The following ABCF1 variants were observed in gnomAD, a reference collection of about 807,000 sequenced individuals.
ABCF1 encodes ATP-binding cassette sub-family F member 1.
In ABCF1, 73 loss-of-function variants were observed where a neutral mutation model predicts 126.3. The observed-to-expected ratio is 0.58, with a 90% confidence interval of 0.48 to 0.70. ABCF1 has a LOEUF of 0.70. ABCF1 is among the 30% of genes least tolerant of loss of function. The probability of loss-of-function intolerance (pLI) is 0.00; values close to 1 mark genes in which losing one functional copy is unlikely to be tolerated. For missense variants in ABCF1, 786 were observed against 1,057.5 expected, an observed-to-expected ratio of 0.74 and a Z score of 3.56; for synonymous variants, 345 against 396.4, an observed-to-expected ratio of 0.87 and a Z score of 1.54.
In ABCF1 at chr6:30,586,463, G is replaced by C. The variant is rs781724380; in HGVS notation, c.1886-11G>C. 4.3e-6 allele frequency: 7 copies of C among 1,613,756 alleles called. No homozygotes were observed. The highest frequency in any genetic ancestry group is 1.6e-4 in the Middle Eastern group (1 of 6,062). On this transcript the variant is annotated splice_polypyrimidine_tract_variant and intron_variant, in intron 18 of 24. Transcript: ENST00000326195. This position sits in a 1 kb window ranked among gnomAD's most constrained non-coding sequence, Gnocchi z 4.9. ...AAAAGAATATAAATTGCTTCTTTTC[G>C]TGGCTTTCAGGTGTGACATTCGGCT...
At position 30,583,581 on chromosome 6, in the gene ABCF1, C is replaced by T. The variant is rs754490488; in HGVS notation, c.916-27C>T. ...ATTTTCATGTGATCATCCCTTCCCT[C>T]TGCCACCTCTTTCCTGATGGCTGCA... On this transcript the variant is annotated intron_variant, in intron 10 of 24. Transcript: ENST00000326195. This position sits in a 1 kb window ranked among gnomAD's most constrained non-coding sequence, Gnocchi z 4.1. The T allele has an allele frequency of 8.1e-6, 13 of 1,611,602 alleles. No homozygotes were observed. Among genetic ancestry groups the T allele is most frequent in the Admixed American group, 6.7e-5 (4 of 59,968 alleles).
At chr6:30,590,072 A>C in intron 22 of ABCF1, 77 bp from the exon 23 acceptor site, 1 of 1,607,348 alleles carries the variant, frequency 6.2e-7, no homozygotes, top group East Asian at 2.2e-5. Context: ...CTCAGCTCAC[A>C]AACTGGCACA....
rs143380108 is a variant in ABCF1, at chr6:30,578,290, T to C, written c.344-58T>C. The C allele has an allele frequency of 4.0e-4, 649 of 1,613,802 alleles. 2 individuals are homozygous for C. In the African/African-American group the frequency reaches 6.1e-3, roughly 15 times the overall value. On this transcript the variant is annotated intron_variant, in intron 4 of 24. Coordinates refer to ENST00000326195, the MANE Select transcript of ABCF1 (RefSeq NM_001025091.2). Reference sequence around the variant, plus strand: ...ACCCTGATCTTCAAGTTGGATTCAATTGGGGGGCCAGACATTGTAATTCTT... The same window carrying C: ...ACCCTGATCTTCAAGTTGGATTCAACTGGGGGGCCAGACATTGTAATTCTT...
At chr6:30,572,649 A>G (rs1202599658) in intron 1 of ABCF1, among the ~76,000 whole-genome samples, 1 of 152,118 alleles carries the variant, frequency 6.6e-6, no homozygotes, top group Non-Finnish European at 1.5e-5. Context: ...GACTACTGGC[A>G]TGCACCACCA....
intron 8 of ABCF1, among the ~76,000 whole-genome samples, chr6:30,582,137 A>G (rs991560516): frequency 1.2e-4 from 18 of 151,684 alleles, no homozygotes; most frequent in African/African-American, 4.4e-4. Flanking sequence ...GCTCACTGCA[A>G]GCTCCTCCTC....
At position 30,574,395 on chromosome 6, in the gene ABCF1, C is replaced by G. The variant is rs1305381874; in HGVS notation, c.73+2835C>G. On this transcript the variant is annotated intron_variant, in intron 1 of 24. Transcript: ENST00000326195. The surrounding 1 kb of genome is among the most constrained non-coding windows in gnomAD (Gnocchi z 4.3). ...TCAACCAGTCCTCCCACCTTGGTCC[C>G]CAAAATGTTGGGATTACAGGCGTGA... Among the ~76,000 whole-genome samples the G allele has an allele frequency of 6.6e-6, 1 of 152,158 alleles. No individual in the cohort carries two copies. The highest frequency in any genetic ancestry group is 1.5e-5 in the Non-Finnish European group (1 of 68,022).
intron 15 of ABCF1, 50 bp from the exon 16 acceptor site, chr6:30,585,506 TTC>T (rs969025443): frequency 5.6e-6 from 9 of 1,610,730 alleles, no homozygotes; most frequent in Non-Finnish European, 6.8e-6. Flanking sequence ...TTCCTCTGAA[TTC>T]TCTCTCACTT....
intron 4 of ABCF1, 46 bp downstream of exon 4, chr6:30,578,248 G>C (rs542204361): frequency 6.2e-7 from 1 of 1,613,774 alleles, no homozygotes; most frequent in East Asian, 2.2e-5. Context: ...CATGAGTCAT[G>C]GAGAGTGATA....
chr6:30,578,170 T>A lies in ABCF1; in HGVS notation c.311T>A (p.Leu104His), dbSNP rs764458544. ...GAGCTCATGGAGCGTCTTAAGAAGC[T>A]CTCAGTGCCAACCAGTGATGAGGAG... ...EKELMERLKK[L>H]SVPTSDEEDE... The change falls in exon 4 of 25, where the codon CTC becomes CAC. Residue 104 changes from leucine to histidine, a missense_variant. Around this residue, in one of 4 missense-constraint regions of ABCF1, gnomAD observed 322 missense variants for 322.9 expected, o/e 1.00. Transcript: ENST00000326195. 1 of 1,613,738 alleles carries A rather than the reference T, an allele frequency of 6.2e-7. No homozygotes were observed. Among genetic ancestry groups the A allele is most frequent in the African/African-American group, 1.3e-5 (1 of 74,834 alleles).
Position 30,586,023 on chromosome 6 carries a change from C to T in ABCF1, c.1713+32C>T, listed in dbSNP as rs1802102200. ...ACCTGAGGGACTTCTGGGCTGGGGG[C>T]CACTGTTCTCTCCTGGCAGTGGAGG... On this transcript the variant is annotated intron_variant, in intron 17 of 24. Coordinates refer to ENST00000326195, the MANE Select transcript of ABCF1 (RefSeq NM_001025091.2). The surrounding 1 kb of genome is among the most constrained non-coding windows in gnomAD (Gnocchi z 4.9). 6.3e-7 allele frequency: 1 copy of T among 1,595,682 alleles called. No homozygotes were observed. Among genetic ancestry groups the T allele is most frequent in the African/African-American group, 1.3e-5 (1 of 74,218 alleles).
In ABCF1 at chr6:30,586,012, T is replaced by TG; in HGVS notation, c.1713+24dup. Reference sequence around the variant, plus strand: ...AGGCGGTGAGCACCTGAGGGACTTCTGGGCTGGGGGCCACTGTTCTCTCCT... The same window carrying TG: ...AGGCGGTGAGCACCTGAGGGACTTCTGGGGCTGGGGGCCACTGTTCTCTCCT... On this transcript the variant is annotated intron_variant, in intron 17 of 24. Transcript: ENST00000326195. The surrounding 1 kb of genome is among the most constrained non-coding windows in gnomAD (Gnocchi z 4.9). 6.2e-7 allele frequency: 1 copy of TG among 1,600,260 alleles called. No individual in the cohort carries two copies. The highest frequency in any genetic ancestry group is 8.5e-7 in the Non-Finnish European group (1 of 1,172,812).
intron 8 of ABCF1, 55 bp downstream of exon 8, chr6:30,580,574 C>A: frequency 9.1e-7 from 1 of 1,094,796 alleles, no homozygotes; most frequent in Non-Finnish European, 1.3e-6. Flanking sequence ...TTCCAGGGTC[C>A]TTATGGGAGA....
chr6:30,582,362 C>A, intron 8 of ABCF1, 32 bp from the exon 9 acceptor site: 1 of 1,446,730 alleles, frequency 6.9e-7, no homozygotes, highest in Non-Finnish European at 9.6e-7. Flanking sequence ...AGCCAGGAGT[C>A]CCTAGTTTTG....
chr6:30,584,594 T>G lies in ABCF1; in HGVS notation c.1391+28T>G, dbSNP rs1325603184. ...GGGCCATTCACCTCACTGCCCTCCC[T>G]TCCAGCCTCAGACCACCGGGGCCCT... On this transcript the variant is annotated intron_variant, in intron 14 of 24. Coordinates refer to ENST00000326195, the MANE Select transcript of ABCF1 (RefSeq NM_001025091.2). This position sits in a 1 kb window ranked among gnomAD's most constrained non-coding sequence, Gnocchi z 4.6. 6.4e-7 allele frequency: 1 copy of G among 1,563,742 alleles called. No individual in the cohort carries two copies. Among genetic ancestry groups the G allele is most frequent in the Non-Finnish European group, 8.6e-7 (1 of 1,157,202 alleles).
Position 30,591,078 on chromosome 6 carries a change from C to T in ABCF1, c.*377C>T, listed in dbSNP as rs560451221. ...TACAGCTTCAGGCCCAGCTGCCCCC[C>T]AGTCTTTGGGTGGTGCTGTTCTTTT... On this transcript the variant is annotated 3_prime_UTR_variant, in exon 25 of 25. Coordinates refer to ENST00000326195, the MANE Select transcript of ABCF1 (RefSeq NM_001025091.2). 15 of 208,984 alleles carry T rather than the reference C, an allele frequency of 7.2e-5. No individual in the cohort carries two copies. Among genetic ancestry groups the T allele is most frequent in the African/African-American group, 2.7e-4 (12 of 43,662 alleles). The allele number at this position is 208,984 out of a possible 1,614,324, so 12.9% of individuals were successfully genotyped here. A position where few individuals can be genotyped will look rare whatever the true frequency, so the allele number is the denominator to read the frequency against.
In ABCF1 at chr6:30,587,846, C is replaced by CAA. The variant is rs756565396; in HGVS notation, c.2031+1150_2031+1151dup. ...TCTAAGTGACAGAGTGAGGCTCTGT[C>CAA]AAAAAAAAAAAAAAAATGCTTAAGT... On this transcript the variant is annotated intron_variant, in intron 20 of 24. Coordinates refer to ENST00000326195, the MANE Select transcript of ABCF1 (RefSeq NM_001025091.2). Among the ~76,000 whole-genome samples the CAA allele has an allele frequency of 1.3e-4, 10 of 74,426 alleles. No individual in the cohort carries two copies. In the South Asian group the frequency reaches 1.5e-3, roughly 11 times the overall value. The allele number at this position is 74,426 out of a possible 152,430, so 48.8% of individuals were successfully genotyped here.
Position 30,574,198 on chromosome 6 carries a change from G to A in ABCF1, c.73+2638G>A, listed in dbSNP as rs1419729542. ...TCACTCCAGGCTGGAGTGCAGTGGC[G>A]CGATCTCAGCTCACTGCAGCCTCAA... On this transcript the variant is annotated intron_variant, in intron 1 of 24. Coordinates refer to ENST00000326195, the MANE Select transcript of ABCF1 (RefSeq NM_001025091.2). This position sits in a 1 kb window ranked among gnomAD's most constrained non-coding sequence, Gnocchi z 4.3. Among the ~76,000 whole-genome samples, 3 of 151,460 alleles carry A rather than the reference G, an allele frequency of 2.0e-5. No individual in the cohort carries two copies. Among genetic ancestry groups the A allele is most frequent in the South Asian group, 2.1e-4 (1 of 4,812 alleles).
In ABCF1 at chr6:30,584,663, T is replaced by C; in HGVS notation, c.1391+97T>C. On this transcript the variant is annotated intron_variant, in intron 14 of 24. Transcript: ENST00000326195. The surrounding 1 kb of genome is among the most constrained non-coding windows in gnomAD (Gnocchi z 4.6). ...ATTCTTCCAAGGCCAATAGGGAGGC[T>C]CAAGGCTTACCTCTCCCTCCTTACT... is the stretch of plus-strand genomic sequence containing the variant. The C allele has an allele frequency of 1.4e-6, 2 of 1,443,058 alleles. No homozygotes were observed. Among genetic ancestry groups the C allele is most frequent in the Non-Finnish European group, 1.8e-6 (2 of 1,081,656 alleles). The allele number at this position is 1,443,058 out of a possible 1,614,324, so 89.4% of individuals were successfully genotyped here.
Position 30,585,645 on chromosome 6 carries a change from C to G in ABCF1, c.1563C>G (p.Leu521=), listed in dbSNP as rs928838252. ...LDDVCTDIIH[L]DAQRLHYYRG... ...ATGTCTGCACTGATATCATCCACCT[C>G]GATGCCCAGCGGCTCCACTACTATA... is the stretch of plus-strand genomic sequence containing the variant. Residue 521 remains leucine (L), a synonymous_variant, in exon 16 of 25, where the codon CTC becomes CTG. Coordinates refer to ENST00000326195, the MANE Select transcript of ABCF1 (RefSeq NM_001025091.2). The G allele has an allele frequency of 1.1e-5, 17 of 1,613,048 alleles. No homozygotes were observed. Among genetic ancestry groups the G allele is most frequent in the Non-Finnish European group, 1.4e-5 (17 of 1,180,024 alleles).
Sources: gnomAD v4.1 joint callset for allele counts (sites outside exome capture counted in the v4.1 genomes callset) on GRCh38, gnomAD v4.1.1 for gene constraint, gnomAD v4.1.1 regional missense constraint, Gnocchi (gnomAD v3.1) non-coding constraint, MANE v1.5 for transcripts, NCBI Gene and HGNC (gene_info 2026-07-23, HGNC 2026-07-21) for gene names.